The following NCKAP5 variants were observed in gnomAD, a reference collection of about 807,000 sequenced individuals.
NCKAP5 encodes the protein NCK associated protein 5, also known as nck-associated protein 5.
Under a neutral mutation model 167.0 loss-of-function variants are expected in NCKAP5, and 92 were observed. That is an observed-to-expected ratio of 0.55 (90% CI 0.47 to 0.66). The LOEUF (loss-of-function observed/expected upper bound fraction) is 0.66, where lower values mean the gene tolerates loss of function less well. Ranked by LOEUF, NCKAP5 falls within the 30% of genes least tolerant of loss-of-function variation. NCKAP5 has a pLI of 0.00. For missense variants in NCKAP5, 2,378 were observed against 2,315.0 expected, an observed-to-expected ratio of 1.03 and a Z score of -0.56; for synonymous variants, 891 against 877.4, an observed-to-expected ratio of 1.02 and a Z score of -0.27.
chr2:132,843,426 A>AT (rs1321320280), intron 11 of NCKAP5, among the ~76,000 whole-genome samples: 1 of 151,760 alleles, frequency 6.6e-6, no homozygotes, highest in South Asian at 2.1e-4. Flanking sequence ...TGACTTGTAA[A>AT]TTTTTTTTAT....
At chr2:132,681,190 T>C (rs572995157) in intron 19 of NCKAP5, among the ~76,000 whole-genome samples, 3 of 152,238 alleles carry the variant, frequency 2.0e-5, no homozygotes, top group Non-Finnish European at 4.4e-5. Context: ...AATTGAGCAG[T>C]TCCTGAGATG....
chr2:133,307,079 A>G (rs1193215801), intron 3 of NCKAP5, among the ~76,000 whole-genome samples: 2 of 152,210 alleles, frequency 1.3e-5, no homozygotes, highest in African/African-American at 2.4e-5. Flanking sequence ...TACCTCATTC[A>G]GCACAAAGAT....
At chr2:133,201,658 A>G (rs150752141) in intron 5 of NCKAP5, among the ~76,000 whole-genome samples, 49 of 152,312 alleles carry the variant, frequency 3.2e-4, no homozygotes, top group African/African-American at 9.6e-4. Context: ...AAACTCATCA[A>G]ATTAGACAAT....
chr2:133,216,701 T>C (rs935263914), intron 4 of NCKAP5, among the ~76,000 whole-genome samples: 6 of 152,146 alleles, frequency 3.9e-5, no homozygotes, highest in African/African-American at 1.2e-4. Context: ...AATTCTTATC[T>C]TCCATAATAG....
chr2:133,035,865 A>C (rs1253929060), intron 6 of NCKAP5, among the ~76,000 whole-genome samples: 1 of 151,918 alleles, frequency 6.6e-6, no homozygotes, highest in Non-Finnish European at 1.5e-5. Context: ...TGAAAGAAAA[A>C]TGCAAAGTAT....
chr2:132,738,954 A>G (rs1691776632), intron 16 of NCKAP5, among the ~76,000 whole-genome samples: 1 of 152,170 alleles, frequency 6.6e-6, no homozygotes, highest in African/African-American at 2.4e-5. Flanking sequence ...ACTTCCAACA[A>G]TGGGGGTCAC....
intron 15 of NCKAP5, 79 bp from the exon 16 acceptor site, chr2:132,773,973 C>T: frequency 8.5e-7 from 1 of 1,174,134 alleles, no homozygotes; most frequent in Admixed American, 1.9e-5. Flanking sequence ...AGTAATGGTA[C>T]ATTCTATAAC....
rs70973406 is a variant in NCKAP5 at position 132,771,839 on chromosome 2, ATTTTT to A, written c.5128+1972_5128+1976del. Among the ~76,000 whole-genome samples the A allele has an allele frequency of 3.7e-4, 37 of 100,758 alleles. No homozygotes were observed. The East Asian group carries it at 3.8e-3, about 10-fold the overall frequency. The allele number at this position is 100,758 out of a possible 152,430, so 66.1% of individuals were successfully genotyped here. ...AGGCACCCACAACCACGCCCGGCTA[ATTTTT>A]TTTTTTTTTTTTTTTTTTTTGTATT... On this transcript the variant is annotated intron_variant, in intron 16 of 19. Coordinates refer to ENST00000409261, the MANE Select transcript of NCKAP5 (RefSeq NM_207363.3).
intron 6 of NCKAP5, among the ~76,000 whole-genome samples, chr2:133,052,401 G>A (rs1262194762): frequency 6.6e-6 from 1 of 152,154 alleles, no homozygotes; most frequent in Non-Finnish European, 1.5e-5. Context: ...GTGGAGGCAG[G>A]AGATGGGCAA....
chr2:133,478,177 T>C (rs1680103561), intron 3 of NCKAP5, among the ~76,000 whole-genome samples: 1 of 152,208 alleles, frequency 6.6e-6, no homozygotes, highest in Admixed American at 6.5e-5. Context: ...TTTTAGATAT[T>C]GTTCTCTATC....
chr2:133,499,962 A>C lies in NCKAP5; in HGVS notation c.69+17496T>G, dbSNP rs1252405038. 2.0e-5 allele frequency among the ~76,000 whole-genome samples: 3 copies of C among 152,142 alleles called. No homozygotes were observed. The East Asian group carries it at 5.8e-4, about 29-fold the overall frequency. On this transcript the variant is annotated intron_variant, in intron 3 of 19. Transcript: ENST00000409261. ...TCAAATAGTTTCTCTGATTATTCAC[A>C]AGGATTTAGAAGAGCAAGCACTGTA... is the stretch of plus-strand genomic sequence containing the variant.
intron 3 of NCKAP5, among the ~76,000 whole-genome samples, chr2:133,486,566 A>G (rs1342393927): frequency 2.6e-5 from 4 of 152,224 alleles, no homozygotes; most frequent in African/African-American, 7.2e-5. Context: ...AGTCTGAAAC[A>G]GAATTGGAAA....
At chr2:132,812,564 G>T (rs113867611) in intron 11 of NCKAP5, among the ~76,000 whole-genome samples, 9 of 152,258 alleles carry the variant, frequency 5.9e-5, no homozygotes, top group African/African-American at 2.2e-4. Flanking sequence ...TCAGACAGGC[G>T]GAGCAGGCAC....
At chr2:132,950,042 C>T (rs904524564) in intron 8 of NCKAP5, among the ~76,000 whole-genome samples, 15 of 151,952 alleles carry the variant, frequency 9.9e-5, no homozygotes, top group Admixed American at 3.9e-4. Context: ...TGCAGTGAGC[C>T]GAGATCATGC....
intron 19 of NCKAP5, among the ~76,000 whole-genome samples, chr2:132,707,002 A>T (rs1240110247): frequency 1.3e-5 from 2 of 152,222 alleles, no homozygotes; most frequent in Admixed American, 1.3e-4. Context: ...TCCTCCCCGC[A>T]GGAACACCGA....
intron 4 of NCKAP5, among the ~76,000 whole-genome samples, chr2:133,262,888 AG>A (rs1250011282): frequency 6.6e-6 from 1 of 152,212 alleles, no homozygotes; most frequent in African/African-American, 2.4e-5. Flanking sequence ...GCCGCTGATT[AG>A]GGGGTTACAA....
At chr2:132,867,759 TCCTGTTCGGCCTA>T (rs778149284) in intron 10 of NCKAP5, among the ~76,000 whole-genome samples, 67 of 152,314 alleles carry the variant, frequency 4.4e-4, no homozygotes, top group Middle Eastern at 6.8e-3. Context: ...AAGTTACCAT[TCCTGTTCGGCCTA>T]CCTGTCGGTT....
chr2:133,246,150 T>C lies in NCKAP5; in HGVS notation c.144-32371A>G, dbSNP rs1406159695. Among the ~76,000 whole-genome samples the C allele has an allele frequency of 3.3e-5, 5 of 151,968 alleles. No individual in the cohort carries two copies. In the East Asian group the frequency reaches 9.7e-4, roughly 29 times the overall value. ...TAGGAATGATTCCAGGGAGGGAGGC[T>C]GTAGGGGCAAAATGAATGGTAACTG... On this transcript the variant is annotated intron_variant, in intron 4 of 19. Transcript: ENST00000409261.
chr2:132,744,233 C>T (rs957613918), intron 16 of NCKAP5, among the ~76,000 whole-genome samples: 2 of 151,642 alleles, frequency 1.3e-5, no homozygotes, highest in South Asian at 2.1e-4. Flanking sequence ...AATGCATATT[C>T]TTTTTGGGTA....
Sources: gnomAD v4.1 joint callset for allele counts (sites outside exome capture counted in the v4.1 genomes callset) on GRCh38, gnomAD v4.1.1 for gene constraint, MANE v1.5 for transcripts, NCBI Gene and HGNC (gene_info 2026-07-23, HGNC 2026-07-21) for gene names.